The following PCGF3 variants were observed in gnomAD, a reference collection of about 807,000 sequenced individuals.
PCGF3 encodes polycomb group ring finger 3, also known as polycomb group RING finger protein 3.
In PCGF3, 7 loss-of-function variants were observed where a neutral mutation model predicts 33.1. The ratio of observed to expected loss-of-function variants is 0.21; its 90% CI spans 0.12 to 0.40. The LOEUF (loss-of-function observed/expected upper bound fraction) is 0.40, where lower values mean the gene tolerates loss of function less well. Among genes scored for constraint, PCGF3 ranks in the 10% least tolerant of loss-of-function variants. PCGF3 has a pLI of 1.00. For synonymous variants in PCGF3, 153 were observed against 121.3 expected (o/e 1.26, Z -1.72); for missense variants, 211 against 313.3 (o/e 0.67, Z 2.46).
intron 6 of PCGF3, among the ~76,000 whole-genome samples, chr4:740,265 C>T (rs2152585301): frequency 6.6e-6 from 1 of 152,392 alleles, no homozygotes; most frequent in South Asian, 2.1e-4. Flanking sequence ...GGCAGGCCCT[C>T]AACGCTGTCC....
chr4:768,793 A>T (rs1462555098), exon 11 of PCGF3: 1 of 152,662 alleles, frequency 6.6e-6, no homozygotes, highest in African/African-American at 2.4e-5. Context: ...CAGGCATATA[A>T]AATGAAATTG....
intron 8 of PCGF3, among the ~76,000 whole-genome samples, chr4:760,511 CCCCTGGTGTCCT>C (rs1292317100): frequency 2.0e-5 from 3 of 152,184 alleles, no homozygotes; most frequent in Non-Finnish European, 4.4e-5. Flanking sequence ...CCCGTCTGTA[CCCCTGGTGTCCT>C]CCCTTTTGTA....
chr4:730,386 G>T (rs944704233), intron 1 of PCGF3, among the ~76,000 whole-genome samples: 7 of 152,216 alleles, frequency 4.6e-5, no homozygotes, highest in Middle Eastern at 3.4e-3. Flanking sequence ...CCACCCCCGT[G>T]GGCCACGTGC....
chr4:741,932 C>A (rs1744110306), intron 6 of PCGF3, among the ~76,000 whole-genome samples: 1 of 152,152 alleles, frequency 6.6e-6, no homozygotes. Context: ...GGAACAGCCT[C>A]CTGCTGTCAG....
exon 11 of PCGF3, chr4:769,346 C>T (rs1560225994): frequency 6.5e-6 from 1 of 152,714 alleles, no homozygotes; most frequent in Admixed American, 6.5e-5. Context: ...ACAAGCCAAC[C>T]TAGTCCCACG....
chr4:753,718 C>T (rs190513942), intron 8 of PCGF3, among the ~76,000 whole-genome samples: 211 of 151,710 alleles, frequency 1.4e-3, no homozygotes, highest in African/African-American at 4.8e-3. Context: ...GAGGCTGAGG[C>T]GGGCAGATTG....
intron 6 of PCGF3, among the ~76,000 whole-genome samples, chr4:741,872 C>T (rs1224862192): frequency 1.3e-5 from 2 of 152,126 alleles, no homozygotes; most frequent in African/African-American, 2.4e-5. Context: ...CTCCTTTGCA[C>T]GGACCTATGT....
intron 9 of PCGF3, among the ~76,000 whole-genome samples, chr4:763,750 C>T (rs1319644100): frequency 6.6e-6 from 1 of 152,238 alleles, no homozygotes; most frequent in Admixed American, 6.5e-5. Context: ...CAAAAACCTG[C>T]ACCCGGATGT....
intron 3 of PCGF3, 188 bp downstream of exon 3, chr4:731,298 C>T (rs1743546307): frequency 2.5e-6 from 1 of 398,504 alleles, no homozygotes; most frequent in Non-Finnish European, 4.4e-6. Flanking sequence ...TGTGGGGGTC[C>T]CAGGCCTCGA....
intron 3 of PCGF3, among the ~76,000 whole-genome samples, chr4:733,441 C>A (rs936988686): frequency 6.6e-6 from 1 of 152,184 alleles, no homozygotes; most frequent in Non-Finnish European, 1.5e-5. Context: ...GAAGCCAGTG[C>A]GGGGGAGCCG....
At chr4:709,283 CAAAT>C (rs1742463533) in intron 1 of PCGF3, among the ~76,000 whole-genome samples, 1 of 150,478 alleles carries the variant, frequency 6.6e-6, no homozygotes, top group Admixed American at 6.6e-5. Flanking sequence ...GATGCATGAA[CAAAT>C]GAATGAAAGG....
chr4:718,704 G>C (rs1290265074), intron 1 of PCGF3, among the ~76,000 whole-genome samples: 2 of 152,158 alleles, frequency 1.3e-5, no homozygotes, highest in Non-Finnish European at 2.9e-5. Flanking sequence ...GAGTGGGGCT[G>C]GGAGTCAAGG....
intron 1 of PCGF3, among the ~76,000 whole-genome samples, chr4:717,052 G>A (rs1742886071): frequency 7.1e-6 from 1 of 141,428 alleles, no homozygotes; most frequent in South Asian, 2.5e-4. Context: ...AGAACTGGGC[G>A]TCGGTGCTGG....
At chr4:734,278 G>T in intron 4 of PCGF3, 1 of 1,465,338 alleles carries the variant, frequency 6.8e-7, no homozygotes, top group South Asian at 1.4e-5. Context: ...CCATCCATCA[G>T]GCTGAGGCTC....
chr4:748,475 C>A (rs190440893), intron 8 of PCGF3, among the ~76,000 whole-genome samples: 1 of 152,192 alleles, frequency 6.6e-6, no homozygotes, highest in Admixed American at 6.5e-5. Context: ...CATGAGCCAC[C>A]GCGCCCAGCC....
At chr4:769,175 A>G (rs1026740) in exon 11 of PCGF3, 126,874 of 152,756 alleles carry the variant, frequency 0.83, 53,198 homozygotes, top group Middle Eastern at 0.94. Flanking sequence ...GCCCCTGGGC[A>G]GGGCCATGTG....
At position 756,877 on chromosome 4, in the gene PCGF3, T is replaced by A. The variant is rs533105299; in HGVS notation, c.463-4402T>A. On this transcript the variant is annotated intron_variant, in intron 8 of 10. Coordinates refer to ENST00000362003, the Ensembl canonical transcript of PCGF3. ...CCATCTGAGACTGCCATGGCGATGA[T>A]CGAGAAAGTCTGTGAATTTACGGAA... is the stretch of plus-strand genomic sequence containing the variant. The A allele has an allele frequency of 4.9e-4, 74 of 152,294 alleles. 1 individual carries two copies. Among genetic ancestry groups the A allele is most frequent in the African/African-American group, 1.7e-3 (71 of 41,538 alleles). The allele number at this position is 152,294 out of a possible 1,614,324, so 9.4% of individuals were successfully genotyped here.
chr4:744,223 G>A (rs1744215723), intron 7 of PCGF3, among the ~76,000 whole-genome samples: 1 of 152,212 alleles, frequency 6.6e-6, no homozygotes, highest in African/African-American at 2.4e-5. Context: ...TTTAAAAGCG[G>A]TGTTGAAACA....
chr4:733,686 G>A (rs1161085699), exon 4 of PCGF3: 2 of 1,604,418 alleles, frequency 1.2e-6, no homozygotes, highest in Middle Eastern at 1.6e-4. Flanking sequence ...CAAAGATGTT[G>A]ACCAGGAAGA....
Sources: allele counts gnomAD v4.1 joint callset (sites outside exome capture counted in the v4.1 genomes callset), GRCh38; gene constraint gnomAD v4.1.1; transcripts MANE v1.5; gene names NCBI Gene and HGNC (gene_info 2026-07-23, HGNC 2026-07-21).